TAB2: variants seen among roughly 807,000 people sequenced by gnomAD.
The protein encoded by TAB2 is TGF-beta activated kinase 1 (MAP3K7) binding protein 2.
TAB2 carries 3 observed loss-of-function variants against 65.0 expected under a neutral mutation model. That is an observed-to-expected ratio of 0.05 (90% CI 0.02 to 0.12). The LOEUF (loss-of-function observed/expected upper bound fraction) is 0.12. Ranked by LOEUF, TAB2 falls within the 10% of genes least tolerant of loss-of-function variation. TAB2 has a pLI of 1.00. For missense variants in TAB2, 623 were observed against 840.3 expected, an observed-to-expected ratio of 0.74 and a Z score of 3.20; for synonymous variants, 298 against 285.1, an observed-to-expected ratio of 1.05 and a Z score of -0.46.
intron 2 of TAB2, among the ~76,000 whole-genome samples, chr6:149,376,419 A>G (rs1781398830): frequency 6.6e-6 from 1 of 152,212 alleles, no homozygotes; most frequent in Admixed American, 6.5e-5. Flanking sequence ...TTGTTCAACA[A>G]CATTTTCAAT....
chr6:149,230,150 CAAAG>C (rs916525680), intron 1 of TAB2: 2 of 152,208 alleles, frequency 1.3e-5, no homozygotes, highest in African/African-American at 4.8e-5. Context: ...TAAAATTAAA[CAAAG>C]AGAGAGGCTT....
At chr6:149,261,967 T>C (rs541810933) in intron 1 of TAB2, among the ~76,000 whole-genome samples, 1 of 152,334 alleles carries the variant, frequency 6.6e-6, no homozygotes, top group South Asian at 2.1e-4. Context: ...GCTGGGACTT[T>C]GATTGTCAGA....
In TAB2 at chr6:149,262,254, C is replaced by T. The variant is rs9498272; in HGVS notation, c.-121+43478C>T. On this transcript the variant is annotated intron_variant, in intron 1 of 1. Coordinates refer to the TAB2 transcript ENST00000606202. ...TCTACATACAAATCTCAAATGCTGCCGGGCATGATGGCTCATGCCTGTAAT... is the reference window on the plus strand; with the variant it reads ...TCTACATACAAATCTCAAATGCTGCTGGGCATGATGGCTCATGCCTGTAAT... 7.5e-3 allele frequency among the ~76,000 whole-genome samples: 1,138 copies of T among 152,292 alleles called. 13 individuals carry two copies. Among genetic ancestry groups the T allele is most frequent in the African/African-American group, 0.026 (1,092 of 41,556 alleles).
intron 1 of TAB2, among the ~76,000 whole-genome samples, chr6:149,274,514 G>T (rs112909140): frequency 1.3e-5 from 2 of 152,166 alleles, no homozygotes; most frequent in African/African-American, 4.8e-5. Flanking sequence ...TTTATGCCCT[G>T]TGATAATGGG....
intron 1 of TAB2, among the ~76,000 whole-genome samples, chr6:149,350,626 T>C (rs1190723682): frequency 2.7e-5 from 4 of 146,258 alleles, no homozygotes; most frequent in Non-Finnish European, 6.0e-5. Context: ...TCTTTTTTTT[T>C]TTTTTTTTTT....
intron 1 of TAB2, among the ~76,000 whole-genome samples, chr6:149,335,052 G>A (rs1450369137): frequency 6.6e-6 from 1 of 151,538 alleles, no homozygotes; most frequent in East Asian, 1.9e-4. Flanking sequence ...CTCGCTCACT[G>A]AATTCCATTG....
intron 1 of TAB2, among the ~76,000 whole-genome samples, chr6:149,323,088 T>C (rs1310963228): frequency 3.3e-5 from 5 of 152,174 alleles, no homozygotes; most frequent in African/African-American, 4.8e-5. Context: ...AAATGTTGAA[T>C]AGTTCTTAAT....
chr6:149,296,066 G>A (rs1333395639), intron 1 of TAB2, among the ~76,000 whole-genome samples: 1 of 152,196 alleles, frequency 6.6e-6, no homozygotes, highest in East Asian at 1.9e-4. Context: ...ATTGCACCAG[G>A]CCATGCCTGG....
At chr6:149,313,079 C>A (rs1779192679), upstream of TAB2, among the ~76,000 whole-genome samples, 1 of 152,166 alleles carries the variant, frequency 6.6e-6, no homozygotes, top group East Asian at 1.9e-4. Context: ...CGTTTTTTAA[C>A]CTTACAGTTC....
At chr6:149,403,233 C>G (rs1782500386) in intron 6 of TAB2, among the ~76,000 whole-genome samples, 1 of 62,292 alleles carries the variant, frequency 1.6e-5, no homozygotes, top group Non-Finnish European at 2.7e-5. Flanking sequence ...AAACTCTTGT[C>G]TAAAAAAAAA....
rs986270828 is a variant in TAB2 at position 149,379,402 on chromosome 6, A to G, written c.1487A>G (p.His496Arg). The change falls in exon 3 of 7, where the codon CAT (histidine) becomes CGT (arginine). Residue 496 changes from histidine to arginine, a missense_variant. By Grantham distance (29) the His-to-Arg change is conservative (BLOSUM62 0). This residue lies in a region of TAB2 where 550 missense variants were observed against 665.7 expected (regional missense o/e 0.83). Transcript: ENST00000637181. ...ACAAATCTTCTTAATCATCCTGATC[A>G]TTATGTAGAAACCGAGAATATTCAG... ...ELTNLLNHPD[H>R]YVETENIQHL... 18 of 1,614,072 alleles carry G rather than the reference A, an allele frequency of 1.1e-5. No individual in the cohort carries two copies. Among genetic ancestry groups the G allele is most frequent in the Middle Eastern group, 1.6e-4 (1 of 6,084 alleles).
intron 1 of TAB2, among the ~76,000 whole-genome samples, chr6:149,288,589 A>G (rs1385417366): frequency 6.6e-6 from 1 of 152,214 alleles, no homozygotes; most frequent in African/African-American, 2.4e-5. Context: ...AAGTCCAATT[A>G]GTGAAAAGCT....
chr6:149,354,519 A>AGG (rs1407125385), intron 1 of TAB2, among the ~76,000 whole-genome samples: 2 of 152,188 alleles, frequency 1.3e-5, no homozygotes, highest in East Asian at 3.8e-4. Flanking sequence ...GAAACAATAT[A>AGG]TTAAATAAAA....
At chr6:149,335,934 C>G (rs2114765061) in intron 1 of TAB2, among the ~76,000 whole-genome samples, 1 of 152,094 alleles carries the variant, frequency 6.6e-6, no homozygotes, top group South Asian at 2.1e-4. Flanking sequence ...AAATCTATTT[C>G]TTTATAATGT....
At chr6:149,331,059 C>T (rs971819874) in intron 1 of TAB2, among the ~76,000 whole-genome samples, 1 of 152,168 alleles carries the variant, frequency 6.6e-6, no homozygotes, top group Non-Finnish European at 1.5e-5. Context: ...TAGTGAAATT[C>T]CTCCAACTTC....
intron 3 of TAB2, among the ~76,000 whole-genome samples, chr6:149,391,863 A>G (rs889091269): frequency 3.3e-5 from 5 of 151,996 alleles, no homozygotes; most frequent in Admixed American, 1.3e-4. Context: ...TCCATTCTAC[A>G]TTTTAGGAGA....
chr6:149,279,995 A>G (rs1254316757), intron 1 of TAB2, among the ~76,000 whole-genome samples: 1 of 152,142 alleles, frequency 6.6e-6, no homozygotes, highest in Non-Finnish European at 1.5e-5. Flanking sequence ...AGTTCTTTCC[A>G]TTAAAAAGCT....
chr6:149,338,450 AGAAAG>A (rs1043337922), intron 1 of TAB2, among the ~76,000 whole-genome samples: 1 of 152,250 alleles, frequency 6.6e-6, no homozygotes, highest in African/African-American at 2.4e-5. Context: ...GTAAAGGTAA[AGAAAG>A]AGAAGAGAGA....
At chr6:149,303,432 A>G (rs1253086481) in intron 1 of TAB2, among the ~76,000 whole-genome samples, 1 of 151,282 alleles carries the variant, frequency 6.6e-6, no homozygotes, top group Non-Finnish European at 1.5e-5. Context: ...CAGGCTGCAA[A>G]GCAGGATACC....
Sources: gnomAD v4.1 joint callset for allele counts (sites outside exome capture counted in the v4.1 genomes callset) on GRCh38, gnomAD v4.1.1 for gene constraint, gnomAD v4.1.1 regional missense constraint, MANE v1.5 for transcripts, NCBI Gene and HGNC (gene_info 2026-07-23, HGNC 2026-07-21) for gene names.